Variants in PGA5 observed in about 807,000 individuals in gnomAD.
PGA5 encodes the protein pepsinogen A5.
Under a neutral mutation model 15.9 loss-of-function variants are expected in PGA5, and 19 were observed. The ratio of observed to expected loss-of-function variants is 1.19; its 90% CI spans 0.83 to 1.75. PGA5 has a LOEUF of 1.75. Ranked by LOEUF, PGA5 falls within the 40% of genes most tolerant of loss-of-function variation. The pLI is 0.00. For missense variants in PGA5, 224 were observed against 246.4 expected (o/e 0.91, Z 0.61); for synonymous variants, 92 against 95.8 (o/e 0.96, Z 0.23).
chr11:61,250,409 A>AGACT (rs1854124196), intron 8 of PGA5, among the ~76,000 whole-genome samples: 1 of 151,556 alleles, frequency 6.6e-6, no homozygotes, highest in Non-Finnish European at 1.5e-5. Flanking sequence ...CAACCAAGTG[A>AGACT]GACTGATCAC....
At chr11:61,249,625 A>G in intron 6 of PGA5, 44 bp from the exon 7 acceptor site, 1 of 1,612,452 alleles carries the variant, frequency 6.2e-7, no homozygotes, top group Non-Finnish European at 8.5e-7. Context: ...TGGAGAGATG[A>G]ACCCCTGAGG....
intron 5 of PGA5, among the ~76,000 whole-genome samples, chr11:61,247,165 C>T (rs1854075977): frequency 6.6e-6 from 1 of 152,000 alleles, no homozygotes; most frequent in South Asian, 2.1e-4. Context: ...TTGGTAACTA[C>T]ACGTCTAGGT....
chr11:61,249,829 A>C lies in PGA5; in HGVS notation c.918+16A>C, dbSNP rs749361046. 1.2e-6 allele frequency: 2 copies of C among 1,613,650 alleles called. No individual in the cohort carries two copies. Among genetic ancestry groups the C allele is most frequent in the South Asian group, 1.1e-5 (1 of 91,056 alleles). Reference sequence around the variant, plus strand: ...AGATGGCGACGTGAGTCCAGCCCCGACTGCCCTGTTCTACACTCAAGTAGT... The same window carrying C: ...AGATGGCGACGTGAGTCCAGCCCCGCCTGCCCTGTTCTACACTCAAGTAGT... On this transcript the variant is annotated intron_variant, in intron 7 of 8. Coordinates refer to ENST00000312403, the MANE Select transcript of PGA5 (RefSeq NM_014224.5).
In PGA5 at chr11:61,251,197, G is replaced by C. The variant is rs376212620; in HGVS notation, c.1083G>C (p.Trp361Cys). The C allele has an allele frequency of 5.8e-5, 94 of 1,611,848 alleles. No homozygotes were observed. The highest frequency in any genetic ancestry group is 7.5e-5 in the Non-Finnish European group (89 of 1,179,858). Residue 361 changes from tryptophan (W) to cysteine (C), a missense_variant, in exon 9 of 9, where the codon TGG becomes TGC. Trp to Cys is a radical substitution (Grantham distance 215, BLOSUM62 -2). Coordinates refer to ENST00000312403, the MANE Select transcript of PGA5 (RefSeq NM_014224.5). The stretch of plus-strand genomic sequence containing the variant: ...TCCCCACCGAATCTGGAGAGCTTTG[G>C]ATCCTGGGTGATGTCTTCATCCGCC... ...MNVPTESGEL[W>C]ILGDVFIRQY...
intron 6 of PGA5, chr11:61,249,407 C>T (rs61895887): frequency 1.6e-5 from 10 of 634,454 alleles, no homozygotes; most frequent in South Asian, 5.8e-5. Context: ...CCAGCTAGGC[C>T]GGGAGCTCCC....
At position 61,250,085 on chromosome 11, in the gene PGA5, G is replaced by A. The variant is rs139525829; in HGVS notation, c.1017+71G>A. 5.8e-6 allele frequency: 9 copies of A among 1,543,400 alleles called. No individual in the cohort carries two copies. In the Admixed American group the frequency reaches 1.3e-4, roughly 23 times the overall value. ...TGGACACAGAGTCCCCTTCTGCAGA[G>A]GGAAAGTACACTTCCACGAGCTGAA... On this transcript the variant is annotated intron_variant, in intron 8 of 8. Transcript: ENST00000312403.
intron 8 of PGA5, 102 bp from the exon 9 acceptor site, chr11:61,251,030 C>A: frequency 6.2e-7 from 1 of 1,606,522 alleles, no homozygotes; most frequent in South Asian, 1.1e-5. Context: ...CCTCCTTGCA[C>A]GTGCCTTACA....
In PGA5 at chr11:61,249,696, C is replaced by G. The variant is rs149304971; in HGVS notation, c.801C>G (p.Ala267=). The change falls in exon 7 of 9, where the codon GCC becomes GCG. Residue 267 remains alanine, a synonymous_variant. Coordinates refer to ENST00000312403, the MANE Select transcript of PGA5 (RefSeq NM_014224.5). ...TCACCATGAACGGAGAGACCATCGC[C>G]TGTGCTGAGGGCTGCCAGGCCATTG... ...DSITMNGETI[A]CAEGCQAIVD... is the part of the protein sequence containing the mutation. The G allele has an allele frequency of 2.4e-5, 38 of 1,613,578 alleles. No individual in the cohort carries two copies. In the African/African-American group the frequency reaches 4.8e-4, roughly 20 times the overall value.
chr11:61,248,607 A>G (rs1021663722), intron 6 of PGA5, 72 bp downstream of exon 6: 4 of 1,588,434 alleles, frequency 2.5e-6, no homozygotes, highest in East Asian at 2.2e-5. Context: ...TTCATAGCCA[A>G]TCAGCTTTCC....
chr11:61,249,568 T>C (rs1029668481), intron 6 of PGA5, 101 bp from the exon 7 acceptor site: 13 of 1,600,708 alleles, frequency 8.1e-6, no homozygotes, highest in Admixed American at 1.7e-5. Context: ...CATTGGCCAA[T>C]GGATGGGTGG....
chr11:61,248,013 T>A (rs2134705023), intron 5 of PGA5: 1 of 596,556 alleles, frequency 1.7e-6, no homozygotes, highest in African/African-American at 1.9e-5. Flanking sequence ...TGCTCCCAGC[T>A]AAGAACCAGT....
At position 61,249,730 on chromosome 11, in the gene PGA5, G is replaced by A. The variant is rs752360139; in HGVS notation, c.835G>A (p.Gly279Ser). ...AEGCQAIVDT[G>S]TSLLTGPTSP... ...GGGCTGCCAGGCCATTGTTGACACC[G>A]GCACCTCTCTGCTGACCGGCCCAAC... The change falls in exon 7 of 9, where the codon GGC becomes AGC. Residue 279 changes from glycine to serine, a missense_variant. Gly to Ser is a moderately conservative substitution (Grantham distance 56). Coordinates refer to ENST00000312403, the MANE Select transcript of PGA5 (RefSeq NM_014224.5). 1.4e-5 allele frequency: 22 copies of A among 1,613,392 alleles called. No homozygotes were observed. Among genetic ancestry groups the A allele is most frequent in the Admixed American group, 1.0e-4 (6 of 59,958 alleles).
chr11:61,248,601 T>C, intron 6 of PGA5, 66 bp downstream of exon 6: 2 of 1,591,082 alleles, frequency 1.3e-6, no homozygotes, highest in Non-Finnish European at 1.7e-6. Flanking sequence ...TATGGATTCA[T>C]AGCCAATCAG....
chr11:61,249,733 A>G lies in PGA5; in HGVS notation c.838A>G (p.Thr280Ala), dbSNP rs202174614. The G allele has an allele frequency of 5.0e-6, 8 of 1,613,278 alleles. No individual in the cohort carries two copies. The East Asian group carries it at 1.8e-4, about 36-fold the overall frequency. The change falls in exon 7 of 9, where the codon ACC (threonine) becomes GCC (alanine). Residue 280 changes from threonine to alanine, a missense_variant. Thr to Ala is a moderately conservative substitution (Grantham distance 58). Coordinates refer to ENST00000312403, the MANE Select transcript of PGA5 (RefSeq NM_014224.5). ...CTGCCAGGCCATTGTTGACACCGGCACCTCTCTGCTGACCGGCCCAACCAG... is the reference window on the plus strand; with the variant it reads ...CTGCCAGGCCATTGTTGACACCGGCGCCTCTCTGCTGACCGGCCCAACCAG... ...EGCQAIVDTG[T>A]SLLTGPTSPI...
intron 5 of PGA5, among the ~76,000 whole-genome samples, chr11:61,247,648 A>C (rs1297466758): frequency 1.3e-5 from 2 of 152,064 alleles, no homozygotes; most frequent in African/African-American, 2.4e-5. Context: ...AGATTTAGAA[A>C]ATGAATATTG....
chr11:61,246,405 C>T (rs1407789622), intron 5 of PGA5, among the ~76,000 whole-genome samples: 1 of 151,776 alleles, frequency 6.6e-6, no homozygotes. Flanking sequence ...ATGTCATCAG[C>T]CATTTGCCCC....
chr11:61,251,383 A>G lies in PGA5; in HGVS notation c.*102A>G, dbSNP rs653173. Reference sequence around the variant, plus strand: ...TGACTGTTCTTCCCAGGGGAGTGTGAAGGTCTTGGCCCTGTTCCCTGTCCT... The same window carrying G: ...TGACTGTTCTTCCCAGGGGAGTGTGGAGGTCTTGGCCCTGTTCCCTGTCCT... On this transcript the variant is annotated 3_prime_UTR_variant, in exon 9 of 9. Transcript: ENST00000312403. 63,907 of 1,574,622 alleles carry G rather than the reference A, an allele frequency of 0.041. 10,874 individuals carry two copies. In the African/African-American group the frequency reaches 0.51, roughly 13 times the overall value.
intron 5 of PGA5, chr11:61,248,089 G>A: frequency 1.6e-6 from 1 of 631,916 alleles, no homozygotes; most frequent in Non-Finnish European, 2.8e-6. Flanking sequence ...GGTCCCCATG[G>A]CAACCAGAGT....
rs377273961 is a variant in PGA5 at position 61,248,294 on chromosome 11, T to G, written c.657-125T>G. 10 of 1,609,436 alleles carry G rather than the reference T, an allele frequency of 6.2e-6. 1 individual carries two copies. Among genetic ancestry groups the G allele is most frequent in the Admixed American group, 1.7e-5 (1 of 60,010 alleles). On this transcript the variant is annotated intron_variant, in intron 5 of 8. Transcript: ENST00000312403. ...TGGCCTAAGAGGAAAAGAAACCACA[T>G]TGGTCACACCCCAGGACAGCCCTGG...
Sources: allele counts gnomAD v4.1 joint callset (sites outside exome capture counted in the v4.1 genomes callset), GRCh38; gene constraint gnomAD v4.1.1; transcripts MANE v1.5; gene names NCBI Gene and HGNC (gene_info 2026-07-23, HGNC 2026-07-21).